Variants in NAALADL2 observed in about 807,000 individuals in gnomAD.
The protein encoded by NAALADL2 is inactive N-acetylated-alpha-linked acidic dipeptidase-like protein 2.
In NAALADL2, 76 loss-of-function variants were observed where a neutral mutation model predicts 87.2. The ratio of observed to expected loss-of-function variants is 0.87; its 90% confidence interval spans 0.72 to 1.05. The LOEUF (loss-of-function observed/expected upper bound fraction) is 1.05, where lower values mean the gene tolerates loss of function less well. Among genes scored for constraint, NAALADL2 ranks in the 50% least tolerant of loss-of-function variants. NAALADL2 has a pLI of 0.00. For missense variants in NAALADL2, 1,089 were observed against 945.8 expected (o/e 1.15, Z -1.99); for synonymous variants, 354 against 331.0 (o/e 1.07, Z -0.75).
chr3:175,551,922 CAAAAA>C (rs11456834), intron 9 of NAALADL2, among the ~76,000 whole-genome samples: 1 of 122,740 alleles, frequency 8.1e-6, no homozygotes, highest in Non-Finnish European at 1.7e-5. Flanking sequence ...GACTCTGTCT[CAAAAA>C]AAAAAAAAAA....
At chr3:175,596,117 G>T (rs1048435076) in intron 10 of NAALADL2, among the ~76,000 whole-genome samples, 5 of 151,758 alleles carry the variant, frequency 3.3e-5, no homozygotes, top group Non-Finnish European at 7.4e-5. Context: ...GGGTTAGGAG[G>T]CCCTGATAAA....
chr3:174,758,543 AAG>A (rs1415517119), intron 3 of NAALADL2, among the ~76,000 whole-genome samples: 3 of 152,174 alleles, frequency 2.0e-5, no homozygotes, highest in African/African-American at 7.2e-5. Flanking sequence ...GAGCATCCTG[AAG>A]AGAGGATGAG....
At chr3:175,576,007 AGTAT>A in intron 9 of NAALADL2, 30 bp from the exon 10 acceptor site, 1 of 1,570,002 alleles carries the variant, frequency 6.4e-7, no homozygotes, top group Non-Finnish European at 8.7e-7. Context: ...TGGGAAGCAT[AGTAT>A]GTGTTAACAA....
At chr3:175,652,343 G>C (rs907830929) in intron 11 of NAALADL2, among the ~76,000 whole-genome samples, 6 of 152,026 alleles carry the variant, frequency 3.9e-5, no homozygotes, top group African/African-American at 1.4e-4. Flanking sequence ...ATTAAGGAGG[G>C]AGAATTTTAA....
In NAALADL2 at chr3:174,523,052, G is replaced by A. The variant is rs79575313; in HGVS notation, c.-183-27517G>A. On this transcript the variant is annotated intron_variant, in intron 1 of 3. Coordinates refer to the NAALADL2 transcript ENST00000434257. ...CAAGAAAGCACTGCCTGTAAAACAGGAAATGGGCCCTCACCAGATACCAGG... is the reference window on the plus strand; with the variant it reads ...CAAGAAAGCACTGCCTGTAAAACAGAAAATGGGCCCTCACCAGATACCAGG... 5.3e-5 allele frequency among the ~76,000 whole-genome samples: 8 copies of A among 152,030 alleles called. No individual in the cohort carries two copies. The East Asian group carries it at 1.5e-3, about 29-fold the overall frequency.
At chr3:175,423,263 T>C (rs1716148042) in intron 5 of NAALADL2, among the ~76,000 whole-genome samples, 2 of 147,508 alleles carry the variant, frequency 1.4e-5, no homozygotes, top group African/African-American at 2.5e-5. Flanking sequence ...AATTTCAGAG[T>C]CCATTTTTTT....
intron 2 of NAALADL2, among the ~76,000 whole-genome samples, chr3:174,565,966 T>C (rs1714209321): frequency 6.6e-6 from 1 of 152,018 alleles, no homozygotes; most frequent in Non-Finnish European, 1.5e-5. Context: ...GTCTTGTTTA[T>C]CTGTCTATAT....
At chr3:175,004,416 G>C (rs1198315129) in intron 1 of NAALADL2, among the ~76,000 whole-genome samples, 2 of 124,524 alleles carry the variant, frequency 1.6e-5, no homozygotes. Context: ...GCCAAAAACA[G>C]TATCATAGGT....
chr3:175,659,945 A>G (rs534824612), intron 11 of NAALADL2, among the ~76,000 whole-genome samples: 2 of 152,282 alleles, frequency 1.3e-5, no homozygotes, highest in South Asian at 4.1e-4. Flanking sequence ...TAGACCTGGT[A>G]ATTTATAAAC....
At chr3:175,389,191 A>G (rs1199350844) in intron 5 of NAALADL2, among the ~76,000 whole-genome samples, 3 of 152,206 alleles carry the variant, frequency 2.0e-5, no homozygotes, top group African/African-American at 4.8e-5. Flanking sequence ...AAGACAGTGT[A>G]CAGTTGGAAT....
At chr3:174,476,085 A>G (rs1041804934) in intron 1 of NAALADL2, among the ~76,000 whole-genome samples, 1 of 152,038 alleles carries the variant, frequency 6.6e-6, no homozygotes, top group Admixed American at 6.6e-5. Context: ...TGTTGTTTCC[A>G]AATGTAATAT....
At chr3:175,282,024 C>A (rs1402485829) in intron 4 of NAALADL2, among the ~76,000 whole-genome samples, 1 of 151,882 alleles carries the variant, frequency 6.6e-6, no homozygotes, top group Non-Finnish European at 1.5e-5. Context: ...ATATAGGGAT[C>A]ATGTTTTATA....
At chr3:174,837,423 A>G (rs955787351) in intron 3 of NAALADL2, among the ~76,000 whole-genome samples, 1 of 152,164 alleles carries the variant, frequency 6.6e-6, no homozygotes, top group African/African-American at 2.4e-5. Flanking sequence ...GAAAGATACA[A>G]CCTTTTTATC....
chr3:175,786,488 G>A (rs573713879), intron 13 of NAALADL2, among the ~76,000 whole-genome samples: 14 of 149,382 alleles, frequency 9.4e-5, no homozygotes, highest in African/African-American at 3.1e-4. Context: ...CCAGTTGATC[G>A]CATCAGCTCC....
At chr3:175,624,863 T>C (rs1726768592) in intron 10 of NAALADL2, among the ~76,000 whole-genome samples, 1 of 152,040 alleles carries the variant, frequency 6.6e-6, no homozygotes. Context: ...ACCTCAAAAG[T>C]ACTTTACAAG....
intron 13 of NAALADL2, among the ~76,000 whole-genome samples, chr3:175,775,807 G>A (rs1416306044): frequency 6.6e-6 from 1 of 152,124 alleles, no homozygotes; most frequent in East Asian, 1.9e-4. Context: ...CATCACAGGA[G>A]TCCTCCTGGG....
At chr3:174,696,149 T>C (rs1291462255) in intron 2 of NAALADL2, among the ~76,000 whole-genome samples, 2 of 152,058 alleles carry the variant, frequency 1.3e-5, no homozygotes, top group Non-Finnish European at 2.9e-5. Flanking sequence ...TGAGGTGTAA[T>C]GGGAAGTATT....
intron 4 of NAALADL2, among the ~76,000 whole-genome samples, chr3:175,311,856 A>G (rs1224881220): frequency 6.6e-6 from 1 of 152,112 alleles, no homozygotes; most frequent in Non-Finnish European, 1.5e-5. Flanking sequence ...GCAGGAGGTC[A>G]TTGCTTCTTA....
chr3:175,009,369 T>TTA (rs1398357462), intron 1 of NAALADL2, among the ~76,000 whole-genome samples: 6 of 152,220 alleles, frequency 3.9e-5, no homozygotes, highest in African/African-American at 1.2e-4. Flanking sequence ...CATACAATCA[T>TTA]TATATATATT....
Sources: allele counts gnomAD v4.1 joint callset (sites outside exome capture counted in the v4.1 genomes callset), GRCh38; gene constraint gnomAD v4.1.1; transcripts MANE v1.5; gene names NCBI Gene and HGNC (gene_info 2026-07-23, HGNC 2026-07-21).